The following INSR variants were observed in gnomAD, a reference collection of about 807,000 sequenced individuals.
INSR encodes insulin receptor, also known as IR.
In INSR, 67 loss-of-function variants were observed where a neutral mutation model predicts 142.6. The observed-to-expected ratio is 0.47, with a 90% CI of 0.39 to 0.58. The LOEUF (loss-of-function observed/expected upper bound fraction) is 0.58, where lower values mean the gene tolerates loss of function less well. INSR is among the 20% of genes least tolerant of loss of function. The pLI is 0.00. For missense variants in INSR, 1,248 were observed against 1,833.2 expected (o/e 0.68, Z 5.83); for synonymous variants, 756 against 743.1 (o/e 1.02, Z -0.28).
chr19:7,256,810 GT>G lies in INSR; in HGVS notation c.652+10534del, dbSNP rs201484069. ...CTACTGTGGAATTTTTTTCAGTACA[GT>G]TTTTTTTGTTTGTTTCTCTCCTAGA... On this transcript the variant is annotated intron_variant, in intron 2 of 21. Transcript: ENST00000302850. Among the ~76,000 whole-genome samples, 16 of 148,300 alleles carry G rather than the reference GT, an allele frequency of 1.1e-4. No individual in the cohort carries two copies. In the East Asian group the frequency reaches 2.4e-3, roughly 23 times the overall value.
At position 7,268,032 on chromosome 19, in the gene INSR, T is replaced by G. The variant is rs147948518; in HGVS notation, c.101-136A>C. On this transcript the variant is annotated intron_variant, in intron 1 of 21. Coordinates refer to ENST00000302850, the MANE Select transcript of INSR (RefSeq NM_000208.4). ...TTTTCATCCCGGGCCCTGTAAACTC[T>G]GCAGCCAGCCGGGATGAGTAGCTTT... is the stretch of plus-strand genomic sequence containing the variant. 54 of 763,622 alleles carry G rather than the reference T, an allele frequency of 7.1e-5. No individual in the cohort carries two copies. The African/African-American group carries it at 8.3e-4, about 12-fold the overall frequency. The allele number at this position is 763,622 out of a possible 1,614,324, so 47.3% of individuals were successfully genotyped here.
At chr19:7,153,414 C>T (rs1403517569) in intron 9 of INSR, among the ~76,000 whole-genome samples, 9 of 49,208 alleles carry the variant, frequency 1.8e-4, no homozygotes, top group South Asian at 7.9e-4. Context: ...ACACACTTCA[C>T]ACACACCACA....
chr19:7,204,253 C>T (rs1975043200), intron 2 of INSR, among the ~76,000 whole-genome samples: 1 of 151,978 alleles, frequency 6.6e-6, no homozygotes, highest in Non-Finnish European at 1.5e-5. Flanking sequence ...TGGGGTTTCA[C>T]CATGTTGGCC....
At chr19:7,210,552 G>T (rs1975245408) in intron 2 of INSR, among the ~76,000 whole-genome samples, 1 of 152,042 alleles carries the variant, frequency 6.6e-6, no homozygotes, top group South Asian at 2.1e-4. Context: ...AACCTAGTGT[G>T]CCTGGTCCTC....
chr19:7,242,374 ATTCT>A (rs1976380621), intron 2 of INSR, among the ~76,000 whole-genome samples: 1 of 152,118 alleles, frequency 6.6e-6, no homozygotes, highest in South Asian at 2.1e-4. Context: ...CTTTTTAAAC[ATTCT>A]TTCTAAAAAC....
chr19:7,139,571 ACTAG>A (rs1973018092), intron 13 of INSR, among the ~76,000 whole-genome samples: 1 of 152,180 alleles, frequency 6.6e-6, no homozygotes, highest in East Asian at 1.9e-4. Context: ...CCAATTAAAA[ACTAG>A]CTGAGCTCTG....
At chr19:7,193,949 T>C (rs950050911) in intron 2 of INSR, among the ~76,000 whole-genome samples, 3 of 102,330 alleles carry the variant, frequency 2.9e-5, no homozygotes, top group Non-Finnish European at 5.9e-5. Context: ...AGATCCGCTC[T>C]CCCCGAGCTC....
At chr19:7,139,944 C>G (rs915260528) in intron 13 of INSR, among the ~76,000 whole-genome samples, 4 of 151,064 alleles carry the variant, frequency 2.6e-5, no homozygotes, top group South Asian at 2.1e-4. Context: ...CCTGCTTCAG[C>G]ATCCCGAGGA....
intron 11 of INSR, among the ~76,000 whole-genome samples, chr19:7,149,897 AAAAGAAAGAAGGAAAG>A (rs1274220690): frequency 4.2e-5 from 5 of 118,992 alleles, no homozygotes; most frequent in East Asian, 2.1e-4. Context: ...TAAAGAAAAG[AAAAGAAAGAAGGAAAG>A]AAAGAAAGAA....
At position 7,116,902 on chromosome 19, in the gene INSR, A is replaced by G. The variant is rs1429272809; in HGVS notation, c.*154T>C. 2.4e-5 allele frequency: 17 copies of G among 696,174 alleles called. No individual in the cohort carries two copies. The Admixed American group carries it at 3.9e-4, about 16-fold the overall frequency. 43.1% of individuals were successfully genotyped at this position (696,174 alleles called of 1,614,324 possible). On this transcript the variant is annotated 3_prime_UTR_variant, in exon 22 of 22. Transcript: ENST00000302850. ...GACTAGTTAAATTGGTAACCAAACG[A>G]GTCCACCTTAAGATGAACAGAAATG... is the stretch of plus-strand genomic sequence containing the variant.
At chr19:7,185,045 A>T (rs1269825236) in intron 2 of INSR, among the ~76,000 whole-genome samples, 1 of 152,238 alleles carries the variant, frequency 6.6e-6, no homozygotes, top group Non-Finnish European at 1.5e-5. Flanking sequence ...ATTTATAAGT[A>T]TACACAAAAT....
chr19:7,186,625 C>T (rs1445063668), intron 2 of INSR, among the ~76,000 whole-genome samples: 1 of 152,158 alleles, frequency 6.6e-6, no homozygotes, highest in Non-Finnish European at 1.5e-5. Flanking sequence ...AACTGAAACT[C>T]TGCCCCCATG....
At chr19:7,169,960 G>A (rs938113546) in intron 6 of INSR, among the ~76,000 whole-genome samples, 1 of 152,176 alleles carries the variant, frequency 6.6e-6, no homozygotes, top group South Asian at 2.1e-4. Context: ...TGATGGATGA[G>A]AGAGGACAGC....
chr19:7,245,242 G>A (rs987962712), intron 2 of INSR, among the ~76,000 whole-genome samples: 1 of 151,326 alleles, frequency 6.6e-6, no homozygotes, highest in Non-Finnish European at 1.5e-5. Flanking sequence ...AGCCCTCAAT[G>A]GGTTTTATAT....
In INSR at chr19:7,141,577, A is replaced by G. The variant is rs1367519179; in HGVS notation, c.2682+100T>C. ...TAGCACAGTACCTGATGAGAGAAGC[A>G]CTGGAATCAAAATTTCAGCAGAGGA... is the stretch of plus-strand genomic sequence containing the variant. On this transcript the variant is annotated intron_variant, in intron 13 of 21. Transcript: ENST00000302850. 9 of 1,534,208 alleles carry G rather than the reference A, an allele frequency of 5.9e-6. No individual in the cohort carries two copies. In the East Asian group the frequency reaches 1.9e-4, roughly 32 times the overall value.
At chr19:7,138,089 A>G (rs1383324467) in intron 13 of INSR, among the ~76,000 whole-genome samples, 1 of 150,056 alleles carries the variant, frequency 6.7e-6, no homozygotes, top group Non-Finnish European at 1.5e-5. Flanking sequence ...TCAGCCTCCC[A>G]AGTAGTTGGG....
intron 2 of INSR, among the ~76,000 whole-genome samples, chr19:7,234,840 CG>C (rs1976107860): frequency 6.6e-6 from 1 of 151,688 alleles, no homozygotes; most frequent in Non-Finnish European, 1.5e-5. Flanking sequence ...CGGGTGGACA[CG>C]AGGTCAGGAG....
At chr19:7,139,984 C>T (rs867587821) in intron 13 of INSR, among the ~76,000 whole-genome samples, 3 of 152,110 alleles carry the variant, frequency 2.0e-5, no homozygotes, top group African/African-American at 7.2e-5. Flanking sequence ...CCCACCATTA[C>T]GTCCAGCTAA....
At chr19:7,211,794 C>T (rs1975281359) in intron 2 of INSR, among the ~76,000 whole-genome samples, 1 of 152,170 alleles carries the variant, frequency 6.6e-6, no homozygotes, top group Non-Finnish European at 1.5e-5. Flanking sequence ...GGAGATACCA[C>T]AGGCAAGAGG....
Sources: allele counts gnomAD v4.1 joint callset (sites outside exome capture counted in the v4.1 genomes callset), GRCh38; gene constraint gnomAD v4.1.1; transcripts MANE v1.5; gene names NCBI Gene and HGNC (gene_info 2026-07-23, HGNC 2026-07-21).